Variants in TMEM131L observed in about 807,000 individuals in gnomAD.
TMEM131L encodes transmembrane protein 131-like.
In TMEM131L, 54 loss-of-function variants were observed where a neutral mutation model predicts 192.2. The observed-to-expected ratio is 0.28, with a 90% confidence interval of 0.23 to 0.35. The LOEUF (loss-of-function observed/expected upper bound fraction) is 0.35, where lower values mean the gene tolerates loss of function less well. Among genes scored for constraint, TMEM131L ranks in the 10% least tolerant of loss-of-function variants. The pLI, the probability that TMEM131L is intolerant of heterozygous loss-of-function variation, is 1.00. For synonymous variants in TMEM131L, 701 were observed against 704.9 expected (o/e 0.99, Z 0.09); for missense variants, 1,888 against 1,972.9 (o/e 0.96, Z 0.82).
Position 153,621,675 on chromosome 4 carries a change from T to C in TMEM131L, c.3693-8T>C, listed in dbSNP as rs1561251630. 6.2e-7 allele frequency: 1 copy of C among 1,612,902 alleles called. No individual in the cohort carries two copies. The highest frequency in any genetic ancestry group is 1.7e-5 in the Admixed American group (1 of 59,690). On this transcript the variant is annotated splice_polypyrimidine_tract_variant and splice_region_variant and intron_variant, in intron 27 of 34. Transcript: ENST00000409959. ...ATGTGTTTTTTTGTGTGTGTGTGTC[T>C]TTTCCAGGCCTCCTGAACAGAGTGA...
At chr4:153,572,199 A>G (rs1325566515) in intron 7 of TMEM131L, among the ~76,000 whole-genome samples, 2 of 152,150 alleles carry the variant, frequency 1.3e-5, no homozygotes, top group African/African-American at 4.8e-5. Context: ...TGAACATTCA[A>G]AATCCTCCCT....
intron 2 of TMEM131L, among the ~76,000 whole-genome samples, chr4:153,470,858 T>C (rs773784568): frequency 2.0e-5 from 3 of 152,266 alleles, no homozygotes; most frequent in Non-Finnish European, 4.4e-5. Flanking sequence ...CACGTATCTG[T>C]TGAATTAATG....
intron 3 of TMEM131L, among the ~76,000 whole-genome samples, chr4:153,525,819 T>A (rs934633635): frequency 6.6e-6 from 1 of 152,096 alleles, no homozygotes; most frequent in African/African-American, 2.4e-5. Flanking sequence ...ATTAAGTAGG[T>A]CTGTGGTGGG....
In TMEM131L at chr4:153,550,053, C is replaced by A; in HGVS notation, c.240-20C>A. On this transcript the variant is annotated intron_variant, in intron 3 of 34. Transcript: ENST00000409959. ...AATGTTAAAACTACAACAAAATCAACCTCTCTTTTCTTTTTTTAGCTTCTC... is the reference window on the plus strand; with the variant it reads ...AATGTTAAAACTACAACAAAATCAAACTCTCTTTTCTTTTTTTAGCTTCTC... 7.5e-7 allele frequency: 1 copy of A among 1,325,580 alleles called. No homozygotes were observed. The highest frequency in any genetic ancestry group is 1.0e-6 in the Non-Finnish European group (1 of 975,828). The allele number at this position is 1,325,580 out of a possible 1,614,324, so 82.1% of individuals were successfully genotyped here.
chr4:153,498,580 G>A (rs1232265097), intron 3 of TMEM131L, among the ~76,000 whole-genome samples: 1 of 152,156 alleles, frequency 6.6e-6, no homozygotes, highest in Admixed American at 6.5e-5. Context: ...TGGGGGGTGA[G>A]CAGAGTTCTT....
At chr4:153,503,913 A>G (rs542423024) in intron 3 of TMEM131L, among the ~76,000 whole-genome samples, 1 of 152,344 alleles carries the variant, frequency 6.6e-6, no homozygotes, top group Admixed American at 6.5e-5. Flanking sequence ...TTCAACGTAT[A>G]TTGAAGCCTT....
intron 3 of TMEM131L, among the ~76,000 whole-genome samples, chr4:153,488,820 C>T (rs566968105): frequency 6.6e-6 from 1 of 152,286 alleles, no homozygotes; most frequent in East Asian, 1.9e-4. Flanking sequence ...TCGGGGAGTC[C>T]GCCCTCGCCT....
chr4:153,627,554 T>A, intron 30 of TMEM131L, 51 bp from the exon 31 acceptor site: 1 of 1,400,994 alleles, frequency 7.1e-7, no homozygotes, highest in African/African-American at 1.4e-5. Context: ...ATATCAGTAT[T>A]TCCTCGTGCA....
intron 3 of TMEM131L, among the ~76,000 whole-genome samples, chr4:153,533,643 A>G (rs1736088995): frequency 6.6e-6 from 1 of 152,194 alleles, no homozygotes; most frequent in Non-Finnish European, 1.5e-5. Context: ...CCCCAAGCCA[A>G]GGGTTACCAA....
chr4:153,604,472 C>A, intron 25 of TMEM131L, 42 bp downstream of exon 25: 3 of 1,533,484 alleles, frequency 2.0e-6, no homozygotes, highest in Non-Finnish European at 2.6e-6. Context: ...CCTGTTTGTA[C>A]CCAGTCTGTT....
intron 27 of TMEM131L, 127 bp downstream of exon 27, chr4:153,621,007 A>G: frequency 1.5e-6 from 1 of 651,838 alleles, no homozygotes. Flanking sequence ...GTAAATGTTT[A>G]TCTCTTAAGA....
rs760468645 is a variant in TMEM131L at position 153,585,547 on chromosome 4, A to G, written c.1247A>G (p.His416Arg). The part of the protein sequence containing the change: ...SGLWSIWYRN[H>R]FDRSVVLNDV... ...CTTTGGTCAATATGGTACCGCAACC[A>G]TTTTGACCGTAGTGTTGTATTAAAT... Residue 416 changes from histidine (H) to arginine (R), a missense_variant, in exon 13 of 35, where the codon CAT (histidine) becomes CGT (arginine). Physicochemically the swap from His to Arg is conservative, Grantham distance 29 (BLOSUM62 0). Transcript: ENST00000409959. 2.4e-5 allele frequency: 38 copies of G among 1,614,024 alleles called. No individual in the cohort carries two copies. The Admixed American group carries it at 5.5e-4, about 23-fold the overall frequency.
At chr4:153,493,049 T>A (rs1195152998) in intron 3 of TMEM131L, among the ~76,000 whole-genome samples, 2 of 152,092 alleles carry the variant, frequency 1.3e-5, no homozygotes. Context: ...GCTCAGTGGC[T>A]AAAAGATATG....
At chr4:153,479,612 GTC>G (rs1265732765) in intron 3 of TMEM131L, among the ~76,000 whole-genome samples, 1 of 152,076 alleles carries the variant, frequency 6.6e-6, no homozygotes, top group Non-Finnish European at 1.5e-5. Flanking sequence ...CATAAATACT[GTC>G]TAGGTACAAT....
rs555893094 is a variant in TMEM131L at position 153,506,057 on chromosome 4, A to G, written c.239+32169A>G. 2.6e-5 allele frequency among the ~76,000 whole-genome samples: 4 copies of G among 152,342 alleles called. No homozygotes were observed. In the South Asian group the frequency reaches 6.2e-4, roughly 24 times the overall value. On this transcript the variant is annotated intron_variant, in intron 3 of 34. Coordinates refer to ENST00000409959, the MANE Select transcript of TMEM131L (RefSeq NM_001131007.2). Reference sequence around the variant, plus strand: ...TATTTGAAGTAGAACTAACTTAGGTATAATTGCGCTGTGAAGGTGAAAAAC... The same window carrying G: ...TATTTGAAGTAGAACTAACTTAGGTGTAATTGCGCTGTGAAGGTGAAAAAC...
At chr4:153,485,240 G>T (rs1732246095) in intron 3 of TMEM131L, among the ~76,000 whole-genome samples, 1 of 151,894 alleles carries the variant, frequency 6.6e-6, no homozygotes, top group African/African-American at 2.4e-5. Context: ...TCAGGAAGGT[G>T]GCCATATTTA....
intron 3 of TMEM131L, among the ~76,000 whole-genome samples, chr4:153,511,230 C>T (rs1734335019): frequency 1.3e-5 from 2 of 152,182 alleles, no homozygotes; most frequent in African/African-American, 4.8e-5. Flanking sequence ...TGGAATCAAC[C>T]TAAATGCTCA....
intron 3 of TMEM131L, among the ~76,000 whole-genome samples, chr4:153,487,223 A>G (rs546090959): frequency 2.0e-5 from 3 of 152,304 alleles, no homozygotes; most frequent in Admixed American, 2.0e-4. Flanking sequence ...GAGAGGTAGA[A>G]ATAGTCTTGT....
chr4:153,472,012 A>C (rs780698594), intron 2 of TMEM131L, among the ~76,000 whole-genome samples: 1 of 152,132 alleles, frequency 6.6e-6, no homozygotes, highest in Non-Finnish European at 1.5e-5. Flanking sequence ...TGAATCATTG[A>C]CCAGTATTTG....
Sources: allele counts gnomAD v4.1 joint callset (sites outside exome capture counted in the v4.1 genomes callset), GRCh38; gene constraint gnomAD v4.1.1; transcripts MANE v1.5; gene names NCBI Gene and HGNC (gene_info 2026-07-23, HGNC 2026-07-21).